The following SGCZ variants were observed in gnomAD, a reference collection of about 807,000 sequenced individuals.
The protein encoded by SGCZ is zeta-sarcoglycan.
SGCZ carries 40 observed loss-of-function variants against 41.3 expected under a neutral mutation model. The observed-to-expected ratio is 0.97, with a 90% CI of 0.75 to 1.26. The LOEUF (loss-of-function observed/expected upper bound fraction) is 1.26. SGCZ is among the 50% of genes most tolerant of loss of function. The probability of loss-of-function intolerance (pLI) is 0.00; values close to 1 mark genes in which losing one functional copy is unlikely to be tolerated. For synonymous variants in SGCZ, 206 were observed against 137.5 expected, an observed-to-expected ratio of 1.50 and a Z score of -3.49; for missense variants, 552 against 369.8, an observed-to-expected ratio of 1.49 and a Z score of -4.04.
chr8:15,103,400 C>CTAAATAAATAAATAAATAAA (rs3069836), intron 1 of SGCZ, among the ~76,000 whole-genome samples: 9 of 143,288 alleles, frequency 6.3e-5, no homozygotes, highest in African/African-American at 2.1e-4. Flanking sequence ...GACCCTGTCT[C>CTAAATAAATAAATAAATAAA]TAAATAAATA....
intron 1 of SGCZ, among the ~76,000 whole-genome samples, chr8:15,069,339 G>A (rs190140438): frequency 1.3e-5 from 2 of 152,148 alleles, no homozygotes; most frequent in East Asian, 3.9e-4. Flanking sequence ...TACCCACAAT[G>A]CAAAGTTTTG....
chr8:14,635,984 G>T (rs759857306), intron 1 of SGCZ, among the ~76,000 whole-genome samples: 156 of 151,996 alleles, frequency 1.0e-3, no homozygotes, highest in African/African-American at 3.5e-3. Flanking sequence ...ACCCAAGAAG[G>T]TTTGGTTAAT....
intron 1 of SGCZ, among the ~76,000 whole-genome samples, chr8:15,204,233 C>A (rs1436567827): frequency 2.0e-5 from 3 of 152,056 alleles, no homozygotes; most frequent in East Asian, 1.9e-4. Flanking sequence ...AGAGTTGGAG[C>A]CACCAAGTAC....
chr8:14,326,707 T>C (rs1049385784), intron 2 of SGCZ, among the ~76,000 whole-genome samples: 7 of 152,104 alleles, frequency 4.6e-5, no homozygotes, highest in East Asian at 1.9e-4. Flanking sequence ...GATGAGAAAA[T>C]ACATACATTT....
intron 1 of SGCZ, among the ~76,000 whole-genome samples, chr8:15,040,830 C>T (rs116973748): frequency 0.039 from 5,946 of 152,134 alleles, 150 homozygotes; most frequent in Non-Finnish European, 0.057. Context: ...TTTTCTGTTT[C>T]CATACCTATC....
At chr8:14,802,800 G>C (rs1001151618) in intron 1 of SGCZ, among the ~76,000 whole-genome samples, 3 of 152,130 alleles carry the variant, frequency 2.0e-5, no homozygotes, top group Non-Finnish European at 4.4e-5. Context: ...AAAGAGGAGC[G>C]AATGTTCCAA....
At chr8:14,960,008 T>C (rs1026752520) in intron 1 of SGCZ, among the ~76,000 whole-genome samples, 1 of 152,186 alleles carries the variant, frequency 6.6e-6, no homozygotes, top group Non-Finnish European at 1.5e-5. Context: ...ATTTCAATAC[T>C]CTAGTTTTAC....
chr8:15,140,193 T>C (rs1464440793), intron 1 of SGCZ, among the ~76,000 whole-genome samples: 1 of 152,000 alleles, frequency 6.6e-6, no homozygotes, highest in African/African-American at 2.4e-5. Flanking sequence ...GTTGGCTAAT[T>C]TTTTACTTTT....
chr8:14,144,726 G>A (rs1325081169), intron 5 of SGCZ, among the ~76,000 whole-genome samples: 2 of 152,156 alleles, frequency 1.3e-5, no homozygotes, highest in Admixed American at 1.3e-4. Context: ...CTATGGACCT[G>A]CTGTGGGCCA....
At chr8:15,079,448 A>G (rs927577244) in intron 1 of SGCZ, among the ~76,000 whole-genome samples, 5 of 152,160 alleles carry the variant, frequency 3.3e-5, no homozygotes, top group African/African-American at 1.2e-4. Flanking sequence ...ATTGCTAACT[A>G]TAAGATGAAA....
intron 1 of SGCZ, among the ~76,000 whole-genome samples, chr8:14,658,765 A>ATACT (rs530267419): frequency 1.3e-5 from 2 of 152,128 alleles, no homozygotes; most frequent in Non-Finnish European, 2.9e-5. Context: ...TTAGCTCAGT[A>ATACT]GAATGCAGTT....
chr8:14,129,828 G>C (rs1436236126), intron 5 of SGCZ, among the ~76,000 whole-genome samples: 1 of 152,070 alleles, frequency 6.6e-6, no homozygotes, highest in South Asian at 2.1e-4. Flanking sequence ...ATTGCCCAGA[G>C]AAATGAATAA....
In SGCZ at chr8:14,500,902, C is replaced by G. The variant is rs377598886; in HGVS notation, c.234+53830G>C. On this transcript the variant is annotated intron_variant, in intron 2 of 7. Transcript: ENST00000382080. ...GTTCAGGAAAAAAACACATATTTAA[C>G]CAAAGGGAAACCATGAATAATTATA... Among the ~76,000 whole-genome samples the G allele has an allele frequency of 2.6e-5, 4 of 151,938 alleles. No individual in the cohort carries two copies. The South Asian group carries it at 6.2e-4, about 24-fold the overall frequency.
intron 2 of SGCZ, among the ~76,000 whole-genome samples, chr8:14,474,816 G>C (rs756651161): frequency 5.3e-5 from 8 of 152,138 alleles, no homozygotes; most frequent in Non-Finnish European, 1.0e-4. Flanking sequence ...CCACCAAAGA[G>C]ATATTGGATT....
At chr8:15,134,597 C>CA (rs1808041749) in intron 1 of SGCZ, among the ~76,000 whole-genome samples, 1 of 152,262 alleles carries the variant, frequency 6.6e-6, no homozygotes, top group South Asian at 2.1e-4. Context: ...GAAGAACTCT[C>CA]AATGTAGCAT....
chr8:14,222,968 C>T (rs1036944476), intron 4 of SGCZ, among the ~76,000 whole-genome samples: 1 of 151,768 alleles, frequency 6.6e-6, no homozygotes, highest in Non-Finnish European at 1.5e-5. Flanking sequence ...CGTACCACCA[C>T]ACCCAGCTAA....
intron 2 of SGCZ, among the ~76,000 whole-genome samples, chr8:14,421,165 G>T: frequency 6.6e-6 from 1 of 152,164 alleles, no homozygotes; most frequent in East Asian, 1.9e-4. Flanking sequence ...CGTATGACCA[G>T]TCTAACATTC....
At chr8:14,977,659 C>T (rs981577429) in intron 1 of SGCZ, among the ~76,000 whole-genome samples, 7 of 152,008 alleles carry the variant, frequency 4.6e-5, no homozygotes, top group Non-Finnish European at 7.4e-5. Context: ...TGAGACTACA[C>T]CACAAGAACA....
chr8:14,510,534 G>GA (rs1220335711), intron 2 of SGCZ, among the ~76,000 whole-genome samples: 1 of 152,056 alleles, frequency 6.6e-6, no homozygotes, highest in Non-Finnish European at 1.5e-5. Flanking sequence ...TAATAACAGA[G>GA]AAAAAATGGA....
Sources: allele counts gnomAD v4.1 joint callset (sites outside exome capture counted in the v4.1 genomes callset), GRCh38; gene constraint gnomAD v4.1.1; transcripts MANE v1.5; gene names NCBI Gene and HGNC (gene_info 2026-07-23, HGNC 2026-07-21).